PLCB1: variants seen among roughly 807,000 people sequenced by gnomAD.
The protein encoded by PLCB1 is phospholipase C beta 1.
PLCB1 carries 46 observed loss-of-function variants against 161.8 expected under a neutral mutation model. The observed-to-expected ratio is 0.28, with a 90% CI of 0.22 to 0.36. The LOEUF (loss-of-function observed/expected upper bound fraction) is 0.36, where lower values mean the gene tolerates loss of function less well. PLCB1 is among the 10% of genes least tolerant of loss of function. The probability of loss-of-function intolerance (pLI) is 1.00; values close to 1 mark genes in which losing one functional copy is unlikely to be tolerated. For synonymous variants in PLCB1, 517 were observed against 503.7 expected (o/e 1.03, Z -0.35); for missense variants, 1,016 against 1,472.5 (o/e 0.69, Z 5.07).
rs1980357129 is a variant in PLCB1 at position 8,437,296 on chromosome 20, A to C, written c.246+65846A>C. Reference sequence around the variant, plus strand: ...AGGAAACCAACTTAGAGTCATCTCAAGATTAGAGGGAATTTGGGCTAGAAG... The same window carrying C: ...AGGAAACCAACTTAGAGTCATCTCACGATTAGAGGGAATTTGGGCTAGAAG... On this transcript the variant is annotated intron_variant, in intron 3 of 31. Transcript: ENST00000338037. Among the ~76,000 whole-genome samples the C allele has an allele frequency of 1.3e-5, 2 of 152,194 alleles. 1 individual carries two copies. Among genetic ancestry groups the C allele is most frequent in the Admixed American group, 1.3e-4 (2 of 15,276 alleles).
intron 31 of PLCB1, among the ~76,000 whole-genome samples, chr20:8,832,310 G>T (rs1274664562): frequency 2.6e-5 from 4 of 152,132 alleles, no homozygotes; most frequent in Admixed American, 2.0e-4. Context: ...GAACTGGAGG[G>T]TTATATGGGA....
Position 8,658,706 on chromosome 20 carries a change from TC to T in PLCB1, c.862+3del, listed in dbSNP as rs1989536539. ...CCAACAACAGCCTCGCCAGAAAAGG[TC>T]AGTACTTTCTTTCACACCAAAGGGA... On this transcript the variant is annotated splice_donor_region_variant and intron_variant, in intron 9 of 31. Transcript: ENST00000338037. 1.9e-6 allele frequency: 3 copies of T among 1,597,992 alleles called. No homozygotes were observed. Among genetic ancestry groups the T allele is most frequent in the Non-Finnish European group, 2.6e-6 (3 of 1,174,060 alleles).
intron 3 of PLCB1, among the ~76,000 whole-genome samples, chr20:8,378,408 T>TA (rs1341567281): frequency 1.3e-5 from 2 of 152,252 alleles, no homozygotes; most frequent in Admixed American, 6.5e-5. Context: ...ATGTAAAAGT[T>TA]ATGATTACAC....
chr20:8,581,130 G>A (rs1028209533), intron 3 of PLCB1, among the ~76,000 whole-genome samples: 6 of 152,158 alleles, frequency 3.9e-5, no homozygotes, highest in Admixed American at 2.6e-4. Context: ...TGCTTAAAAG[G>A]TTATTCAGGC....
Position 8,770,015 on chromosome 20 carries a change from C to T in PLCB1, c.2931-4524C>T, listed in dbSNP as rs537168034. Among the ~76,000 whole-genome samples, 15 of 140,938 alleles carry T rather than the reference C, an allele frequency of 1.1e-4. No individual in the cohort carries two copies. In the East Asian group the frequency reaches 2.6e-3, roughly 24 times the overall value. 92.5% of individuals were successfully genotyped at this position (140,938 alleles called of 152,430 possible). Reference sequence around the variant, plus strand: ...TCATCCAGGCTGGAGTGCAGTGGTGCGATCTCGGCTCACTGCAAGCTCCGC... The same window carrying T: ...TCATCCAGGCTGGAGTGCAGTGGTGTGATCTCGGCTCACTGCAAGCTCCGC... On this transcript the variant is annotated intron_variant, in intron 26 of 31. Coordinates refer to ENST00000338037, the MANE Select transcript of PLCB1 (RefSeq NM_015192.4).
At chr20:8,518,503 T>A (rs1321495442) in intron 3 of PLCB1, among the ~76,000 whole-genome samples, 1 of 151,146 alleles carries the variant, frequency 6.6e-6, no homozygotes, top group East Asian at 1.9e-4. Flanking sequence ...GAGTAGTTAA[T>A]GTACTCACAG....
intron 2 of PLCB1, among the ~76,000 whole-genome samples, chr20:8,200,007 C>G (rs1012135662): frequency 6.6e-5 from 10 of 152,030 alleles, no homozygotes; most frequent in African/African-American, 2.4e-4. Context: ...AGGCAATTAC[C>G]TTTAGAGTTC....
chr20:8,454,623 T>C (rs186129172), intron 3 of PLCB1, among the ~76,000 whole-genome samples: 2 of 152,236 alleles, frequency 1.3e-5, no homozygotes, highest in Admixed American at 1.3e-4. Flanking sequence ...GAGTGAGTGA[T>C]GGTGTTTTTG....
At chr20:8,176,148 C>T (rs1342871448) in intron 2 of PLCB1, among the ~76,000 whole-genome samples, 1 of 152,126 alleles carries the variant, frequency 6.6e-6, no homozygotes, top group Non-Finnish European at 1.5e-5. Flanking sequence ...GCGTTGATCC[C>T]AGAAACATGT....
chr20:8,132,336 C>A lies in PLCB1; in HGVS notation c.-316C>A, dbSNP rs1568563914. 1.3e-5 allele frequency: 3 copies of A among 224,040 alleles called. No individual in the cohort carries two copies. Among genetic ancestry groups the A allele is most frequent in the East Asian group, 1.9e-4 (2 of 10,648 alleles). 13.9% of individuals were successfully genotyped at this position (224,040 alleles called of 1,614,324 possible). ...CTTTGAGGCGGCGGCGGCGGAGGAGCAGAATCCGCCGCGACTGGCAGCCTC... is the reference window on the plus strand; with the variant it reads ...CTTTGAGGCGGCGGCGGCGGAGGAGAAGAATCCGCCGCGACTGGCAGCCTC... On this transcript the variant is annotated 5_prime_UTR_variant, in exon 1 of 32. Coordinates refer to ENST00000338037, the MANE Select transcript of PLCB1 (RefSeq NM_015192.4). This position sits in a 1 kb window ranked among gnomAD's most constrained non-coding sequence, Gnocchi z 5.2.
At chr20:8,742,182 A>G (rs977585798) in intron 23 of PLCB1, among the ~76,000 whole-genome samples, 5 of 152,154 alleles carry the variant, frequency 3.3e-5, no homozygotes, top group African/African-American at 1.2e-4. Context: ...TAAAGCTTCT[A>G]TGTAGACTGG....
intron 9 of PLCB1, among the ~76,000 whole-genome samples, chr20:8,666,131 G>T (rs1428970572): frequency 6.6e-6 from 1 of 152,126 alleles, no homozygotes; most frequent in Non-Finnish European, 1.5e-5. Context: ...GTTCTGATGT[G>T]TGTTCTCTGC....
intron 3 of PLCB1, among the ~76,000 whole-genome samples, chr20:8,503,443 T>G (rs1022223427): frequency 6.6e-6 from 1 of 152,106 alleles, no homozygotes; most frequent in Non-Finnish European, 1.5e-5. Context: ...TTCCACCTCT[T>G]TTCACTTCTC....
At chr20:8,267,024 C>A (rs1042882889) in intron 2 of PLCB1, among the ~76,000 whole-genome samples, 1 of 144,026 alleles carries the variant, frequency 6.9e-6, no homozygotes. Context: ...GCAACGAGAG[C>A]GAGACTTCGT....
In PLCB1 at chr20:8,363,128, T is replaced by A. The variant is rs1392288074; in HGVS notation, c.178-8254T>A. On this transcript the variant is annotated intron_variant, in intron 2 of 31. Coordinates refer to ENST00000338037, the MANE Select transcript of PLCB1 (RefSeq NM_015192.4). ...TACGTAAATTCATTTTCATTCCTTTTTAATTAGTTGCATTAGAACTTGGAA... is the reference window on the plus strand; with the variant it reads ...TACGTAAATTCATTTTCATTCCTTTATAATTAGTTGCATTAGAACTTGGAA... Among the ~76,000 whole-genome samples, 3 of 152,180 alleles carry A rather than the reference T, an allele frequency of 2.0e-5. No individual in the cohort carries two copies. In the East Asian group the frequency reaches 5.8e-4, roughly 29 times the overall value.
intron 9 of PLCB1, among the ~76,000 whole-genome samples, chr20:8,675,326 C>G (rs533077920): frequency 3.8e-4 from 58 of 152,288 alleles, no homozygotes; most frequent in South Asian, 1.9e-3. Flanking sequence ...CCTGGGAGCT[C>G]AAGCTTCCTC....
chr20:8,652,092 A>T (rs967753636), intron 7 of PLCB1: 1 of 152,264 alleles, frequency 6.6e-6, no homozygotes, highest in African/African-American at 2.4e-5. Context: ...GTAATTTTCT[A>T]AACAACTGGA....
At chr20:8,186,619 TC>T (rs2051909284) in intron 2 of PLCB1, among the ~76,000 whole-genome samples, 2 of 152,150 alleles carry the variant, frequency 1.3e-5, no homozygotes, top group African/African-American at 4.8e-5. Flanking sequence ...AGGAGGAACA[TC>T]ATCTAGTTTC....
At chr20:8,658,744 C>G in intron 9 of PLCB1, 40 bp downstream of exon 9, 1 of 1,539,782 alleles carries the variant, frequency 6.5e-7, no homozygotes, top group Non-Finnish European at 8.8e-7. Flanking sequence ...GCTCTTGTTT[C>G]TGATTGGGGG....
Sources: gnomAD v4.1 joint callset for allele counts (sites outside exome capture counted in the v4.1 genomes callset) on GRCh38, gnomAD v4.1.1 for gene constraint, Gnocchi (gnomAD v3.1) non-coding constraint, MANE v1.5 for transcripts, NCBI Gene and HGNC (gene_info 2026-07-23, HGNC 2026-07-21) for gene names.